The following CALCR variants were observed in gnomAD, a reference collection of about 807,000 sequenced individuals.
The protein encoded by CALCR is calcitonin receptor.
CALCR carries 47 observed loss-of-function variants against 59.5 expected under a neutral mutation model. The observed-to-expected ratio is 0.79, with a 90% CI of 0.63 to 1.01. CALCR has a LOEUF of 1.01. Ranked by LOEUF, CALCR falls within the 50% of genes least tolerant of loss-of-function variation. The probability of loss-of-function intolerance (pLI) is 0.00; values close to 1 mark genes in which losing one functional copy is unlikely to be tolerated. For synonymous variants in CALCR, 213 were observed against 211.3 expected (o/e 1.01, Z -0.07); for missense variants, 566 against 597.1 (o/e 0.95, Z 0.54).
At chr7:93,533,639 A>G (rs1481134057) in intron 2 of CALCR, among the ~76,000 whole-genome samples, 5 of 151,854 alleles carry the variant, frequency 3.3e-5, no homozygotes, top group Non-Finnish European at 5.9e-5. Context: ...TTAGACAGGT[A>G]CTGGAAGGTT....
chr7:93,541,769 C>G (rs575422281), intron 2 of CALCR, among the ~76,000 whole-genome samples: 1 of 152,184 alleles, frequency 6.6e-6, no homozygotes, highest in African/African-American at 2.4e-5. Flanking sequence ...GTGGCTGGAA[C>G]TATTCACCCT....
chr7:93,525,797 T>C (rs142055567), intron 2 of CALCR, among the ~76,000 whole-genome samples: 5 of 152,302 alleles, frequency 3.3e-5, no homozygotes, highest in Admixed American at 3.3e-4. Flanking sequence ...TCAGTTAATG[T>C]TCTTTATGCA....
intron 2 of CALCR, among the ~76,000 whole-genome samples, chr7:93,510,372 T>A (rs1801519811): frequency 6.6e-6 from 1 of 152,132 alleles, no homozygotes; most frequent in South Asian, 2.1e-4. Context: ...GGTCAGAAAG[T>A]CTCCAAGTCT....
At chr7:93,508,021 T>G (rs1412188863) in intron 2 of CALCR, among the ~76,000 whole-genome samples, 1 of 152,160 alleles carries the variant, frequency 6.6e-6, no homozygotes, top group Non-Finnish European at 1.5e-5. Flanking sequence ...TATACCCAAT[T>G]TCCTGAAACC....
At chr7:93,427,253 A>G (rs1356514194) in intron 13 of CALCR, among the ~76,000 whole-genome samples, 1 of 152,250 alleles carries the variant, frequency 6.6e-6, no homozygotes, top group Non-Finnish European at 1.5e-5. Context: ...AGAAAGCTCT[A>G]AATATGAAAA....
chr7:93,519,464 G>T (rs531316158), intron 2 of CALCR, among the ~76,000 whole-genome samples: 1 of 151,998 alleles, frequency 6.6e-6, no homozygotes, highest in Non-Finnish European at 1.5e-5. Context: ...TTAGGTAAAT[G>T]ATAGTCTGTC....
At chr7:93,498,844 G>A (rs543903322) in intron 2 of CALCR, among the ~76,000 whole-genome samples, 3 of 151,750 alleles carry the variant, frequency 2.0e-5, no homozygotes, top group African/African-American at 7.2e-5. Flanking sequence ...GAAACTGATT[G>A]TAATTAGCAT....
chr7:93,546,054 T>A (rs1789276863), intron 2 of CALCR, among the ~76,000 whole-genome samples: 1 of 152,070 alleles, frequency 6.6e-6, no homozygotes, highest in Non-Finnish European at 1.5e-5. Context: ...TGAAAGAGAA[T>A]GCCATATTCT....
intron 7 of CALCR, among the ~76,000 whole-genome samples, chr7:93,466,844 A>G (rs1379351546): frequency 6.6e-6 from 1 of 151,584 alleles, no homozygotes; most frequent in East Asian, 1.9e-4. Context: ...ACTTTAACAC[A>G]CCCATCTTCA....
At chr7:93,558,960 G>C (rs969961816) in intron 2 of CALCR, among the ~76,000 whole-genome samples, 2 of 151,990 alleles carry the variant, frequency 1.3e-5, no homozygotes, top group African/African-American at 4.8e-5. Context: ...AAGCCCTTTG[G>C]GTGATTCAAT....
intron 3 of CALCR, among the ~76,000 whole-genome samples, chr7:93,486,361 A>G (rs1800944440): frequency 6.6e-6 from 1 of 151,660 alleles, no homozygotes; most frequent in Non-Finnish European, 1.5e-5. Context: ...ATATAGAATT[A>G]CACAAACTGA....
At chr7:93,472,691 A>T (rs536006216) in intron 5 of CALCR, among the ~76,000 whole-genome samples, 1 of 151,796 alleles carries the variant, frequency 6.6e-6, no homozygotes, top group East Asian at 1.9e-4. Context: ...TAGCAAAGCC[A>T]TGTGAAGTAG....
chr7:93,444,715 T>A (rs137927479), intron 8 of CALCR, among the ~76,000 whole-genome samples: 16 of 152,232 alleles, frequency 1.1e-4, no homozygotes, highest in African/African-American at 3.8e-4. Flanking sequence ...GCTGTGCTTA[T>A]GTCTTAACAA....
intron 2 of CALCR, among the ~76,000 whole-genome samples, chr7:93,546,716 A>G (rs1584622156): frequency 2.1e-5 from 3 of 143,648 alleles, no homozygotes; most frequent in East Asian, 4.0e-4. Flanking sequence ...CCACACTTGG[A>G]TAATTTTTGT....
At chr7:93,489,215 AT>A (rs1801018950) in intron 2 of CALCR, among the ~76,000 whole-genome samples, 1 of 151,934 alleles carries the variant, frequency 6.6e-6, no homozygotes, top group Admixed American at 6.6e-5. Flanking sequence ...TTGGAAACCA[AT>A]GAGAACAAAG....
At chr7:93,472,921 A>G (rs1355942072) in intron 5 of CALCR, among the ~76,000 whole-genome samples, 2 of 151,764 alleles carry the variant, frequency 1.3e-5, no homozygotes, top group Non-Finnish European at 2.9e-5. Flanking sequence ...TTTACTTGCA[A>G]TGTTTTTTCA....
In CALCR at chr7:93,473,589, C is replaced by A. The variant is rs12668721; in HGVS notation, c.317-1102G>T. Among the ~76,000 whole-genome samples the A allele has an allele frequency of 2.6e-4, 32 of 121,158 alleles. 1 individual carries two copies. The South Asian group carries it at 7.6e-3, about 29-fold the overall frequency. 79.5% of individuals were successfully genotyped at this position (121,158 alleles called of 152,430 possible). A position where few individuals can be genotyped will look rare whatever the true frequency, so the allele number is the denominator to read the frequency against. On this transcript the variant is annotated intron_variant, in intron 5 of 13. Coordinates refer to ENST00000426151, the MANE Select transcript of CALCR (RefSeq NM_001742.4). The stretch of plus-strand genomic sequence containing the variant: ...AGGTAACACTGGTTTGGCCCCCCCC[C>A]CTTTTTTTTTTTTTTTTTGAAATTG...
chr7:93,439,737 C>A (rs1799861471), intron 9 of CALCR, among the ~76,000 whole-genome samples: 1 of 151,942 alleles, frequency 6.6e-6, no homozygotes, highest in Non-Finnish European at 1.5e-5. Flanking sequence ...TTAATAAATT[C>A]TATTTGTTCA....
intron 9 of CALCR, among the ~76,000 whole-genome samples, chr7:93,443,327 G>A (rs1005761765): frequency 6.6e-6 from 1 of 152,136 alleles, no homozygotes; most frequent in African/African-American, 2.4e-5. Context: ...GACACATTTT[G>A]TGTCCATCAT....
Sources: allele counts gnomAD v4.1 joint callset (sites outside exome capture counted in the v4.1 genomes callset), GRCh38; gene constraint gnomAD v4.1.1; transcripts MANE v1.5; gene names NCBI Gene and HGNC (gene_info 2026-07-23, HGNC 2026-07-21).